The following ANXA13 variants were observed in gnomAD, a reference collection of about 807,000 sequenced individuals.
ANXA13 encodes the protein annexin A13, also known as annexin XIII.
A neutral mutation model predicts 46.6 loss-of-function variants in ANXA13; 36 were observed. That is an observed-to-expected ratio of 0.77 (90% CI 0.59 to 1.02). ANXA13 has a LOEUF of 1.02. Ranked by LOEUF, ANXA13 falls within the 50% of genes least tolerant of loss-of-function variation. ANXA13 has a pLI of 0.00. For missense variants in ANXA13, 417 were observed against 396.5 expected (o/e 1.05, Z -0.44); for synonymous variants, 163 against 152.9 (o/e 1.07, Z -0.49).
chr8:123,686,992 T>A (rs1350798951), intron 9 of ANXA13, among the ~76,000 whole-genome samples: 1 of 152,198 alleles, frequency 6.6e-6, no homozygotes, highest in African/African-American at 2.4e-5. Flanking sequence ...GGGACTTGGC[T>A]TTTCTGTCAT....
chr8:123,701,775 A>G (rs980724010), intron 3 of ANXA13, among the ~76,000 whole-genome samples: 1 of 150,950 alleles, frequency 6.6e-6, no homozygotes, highest in Non-Finnish European at 1.5e-5. Context: ...TAGGTGTGTG[A>G]TTTTGTAAAA....
intron 2 of ANXA13, chr8:123,711,657 C>G (rs1314510735): frequency 1.3e-5 from 2 of 152,190 alleles, no homozygotes; most frequent in Non-Finnish European, 2.9e-5. Context: ...CTCTGTCACC[C>G]AGGCTGGAGT....
chr8:123,719,816 G>T (rs775903022), intron 1 of ANXA13, among the ~76,000 whole-genome samples: 5 of 152,158 alleles, frequency 3.3e-5, no homozygotes, highest in Admixed American at 6.5e-5. Flanking sequence ...TTTGCCCTTT[G>T]CTGGTTGTAC....
intron 2 of ANXA13, among the ~76,000 whole-genome samples, chr8:123,706,622 G>A (rs1813545506): frequency 6.6e-6 from 1 of 152,172 alleles, no homozygotes; most frequent in African/African-American, 2.4e-5. Flanking sequence ...CCACATGCAA[G>A]TTCCTCTGTT....
At chr8:123,708,196 G>T (rs1280999028) in intron 2 of ANXA13, among the ~76,000 whole-genome samples, 1 of 152,230 alleles carries the variant, frequency 6.6e-6, no homozygotes, top group African/African-American at 2.4e-5. Context: ...TTTTAAAAAT[G>T]AGAAAAGAAG....
intron 1 of ANXA13, chr8:123,735,907 G>A: frequency 6.4e-7 from 1 of 1,571,890 alleles, no homozygotes; most frequent in Non-Finnish European, 8.6e-7. Context: ...ACATAAAAAT[G>A]CTGGTCCACT....
intron 8 of ANXA13, 109 bp from the exon 9 acceptor site, chr8:123,689,055 T>C: frequency 9.9e-7 from 1 of 1,012,646 alleles, no homozygotes; most frequent in South Asian, 1.3e-5. Flanking sequence ...TTTAGTCCTG[T>C]GGCTTCAGGG....
rs529620372 is a variant in ANXA13, at chr8:123,716,090, CA to C, written c.16-3338del. On this transcript the variant is annotated intron_variant, in intron 1 of 10. Transcript: ENST00000419625. ...CTTAATTTTTCCTTTTTTCCTTTTTCAAAAAAATTTTTTGAGACAGGGTCTC... is the reference window on the plus strand; with the variant it reads ...CTTAATTTTTCCTTTTTTCCTTTTTCAAAAAATTTTTTGAGACAGGGTCTC... Among the ~76,000 whole-genome samples the C allele has an allele frequency of 4.5e-4, 68 of 151,804 alleles. No individual in the cohort carries two copies. The South Asian group carries it at 0.013, about 30-fold the overall frequency.
intron 9 of ANXA13, among the ~76,000 whole-genome samples, chr8:123,685,527 A>G (rs1813124325): frequency 6.6e-6 from 1 of 152,172 alleles, no homozygotes; most frequent in Non-Finnish European, 1.5e-5. Flanking sequence ...GGCTGTTAAC[A>G]TTTCTCTAGA....
rs1813217017 is a variant in ANXA13 at position 123,690,637 on chromosome 8, CAGA to C, written c.643-1694_643-1692del. Among the ~76,000 whole-genome samples, 1 of 152,200 alleles carries C rather than the reference CAGA, an allele frequency of 6.6e-6. No individual in the cohort carries two copies. ...ACGTGATTCTTAGGGGCTCTTTGTA[CAGA>C]AGCAGATTTTCTGATCTCAGTAGAA... is the stretch of plus-strand genomic sequence containing the variant. On this transcript the variant is annotated intron_variant, in intron 8 of 10. Transcript: ENST00000419625. This position sits in a 1 kb window ranked among gnomAD's most constrained non-coding sequence, Gnocchi z 4.6.
intron 1 of ANXA13, among the ~76,000 whole-genome samples, chr8:123,713,679 T>C (rs1432894553): frequency 1.3e-5 from 2 of 152,142 alleles, no homozygotes; most frequent in Non-Finnish European, 2.9e-5. Context: ...TTTTCCTAAG[T>C]GATATGTGTC....
chr8:123,694,858 G>A (rs538571440), intron 6 of ANXA13, among the ~76,000 whole-genome samples: 1 of 152,298 alleles, frequency 6.6e-6, no homozygotes, highest in East Asian at 1.9e-4. Flanking sequence ...TCTTCCTGCT[G>A]CAGTGGAAGC....
At position 123,698,489 on chromosome 8, in the gene ANXA13, C is replaced by T. The variant is rs2294013; in HGVS notation, c.257G>A (p.Arg86His). Residue 86 changes from arginine (R) to histidine (H), a missense_variant, in exon 4 of 11, where the codon CGT (arginine) becomes CAT (histidine). Arg to His is a conservative substitution (Grantham distance 29). Transcript: ENST00000419625. ...FEKTALALLDRPSEYAARQLQ... is the reference protein window; with the variant it reads ...FEKTALALLDHPSEYAARQLQ... Reference sequence around the variant, plus strand: ...CTGCCGGGCGGCGTACTCGCTGGGACGGTCCAGAAGGGCCAACGCTGTCTT... The same window carrying T: ...CTGCCGGGCGGCGTACTCGCTGGGATGGTCCAGAAGGGCCAACGCTGTCTT... The T allele has an allele frequency of 0.31, 500,708 of 1,613,958 alleles. 80,465 individuals carry two copies. Among genetic ancestry groups the T allele is most frequent in the Middle Eastern group, 0.38 (2,331 of 6,062 alleles).
chr8:123,735,974 G>T (rs1000258636), intron 1 of ANXA13: 2 of 1,340,998 alleles, frequency 1.5e-6, no homozygotes, highest in Non-Finnish European at 2.0e-6. Context: ...ATCCTCCTAA[G>T]CTGTGAATGC....
chr8:123,719,230 A>G (rs1364674918), intron 1 of ANXA13, among the ~76,000 whole-genome samples: 1 of 152,232 alleles, frequency 6.6e-6, no homozygotes, highest in East Asian at 1.9e-4. Context: ...GCTGGACAAT[A>G]AGAATAGATT....
intron 6 of ANXA13, among the ~76,000 whole-genome samples, chr8:123,695,178 A>G (rs984835167): frequency 6.6e-6 from 1 of 152,124 alleles, no homozygotes; most frequent in Non-Finnish European, 1.5e-5. Flanking sequence ...TACTGGCTGC[A>G]TGAACCTGGG....
chr8:123,721,825 C>T (rs1385121272), intron 1 of ANXA13, among the ~76,000 whole-genome samples: 1 of 152,116 alleles, frequency 6.6e-6, no homozygotes, highest in Non-Finnish European at 1.5e-5. Context: ...TTAATTCTCC[C>T]AACAACCCTA....
chr8:123,695,906 G>GC (rs369319261), intron 4 of ANXA13, among the ~76,000 whole-genome samples, 185 bp from the exon 5 acceptor site: 5,750 of 90,962 alleles, frequency 0.063, 147 homozygotes, highest in African/African-American at 0.11. Flanking sequence ...GTGACGGCCC[G>GC]CCCCCCCCCC....
intron 10 of ANXA13, among the ~76,000 whole-genome samples, chr8:123,682,105 T>C (rs145054613): frequency 1.3e-3 from 194 of 152,188 alleles, no homozygotes; most frequent in South Asian, 5.4e-3. Context: ...ACTAAGAAAA[T>C]TGTCAACACA....
Sources: gnomAD v4.1 joint callset for allele counts (sites outside exome capture counted in the v4.1 genomes callset) on GRCh38, gnomAD v4.1.1 for gene constraint, Gnocchi (gnomAD v3.1) non-coding constraint, MANE v1.5 for transcripts, NCBI Gene and HGNC (gene_info 2026-07-23, HGNC 2026-07-21) for gene names.